The following MARK1 variants were observed in gnomAD, a reference collection of about 807,000 sequenced individuals.
The protein encoded by MARK1 is serine/threonine-protein kinase MARK1.
Under a neutral mutation model 96.3 loss-of-function variants are expected in MARK1, and 40 were observed. The observed-to-expected ratio is 0.42, with a 90% CI of 0.32 to 0.54. The LOEUF is 0.54. Ranked by LOEUF, MARK1 falls within the 20% of genes least tolerant of loss-of-function variation. The pLI is 0.16. For synonymous variants in MARK1, 317 were observed against 341.2 expected, an observed-to-expected ratio of 0.93 and a Z score of 0.78; for missense variants, 719 against 984.6, an observed-to-expected ratio of 0.73 and a Z score of 3.61.
intron 9 of MARK1, among the ~76,000 whole-genome samples, chr1:220,628,916 TAAA>T (rs202116431): frequency 7.1e-6 from 1 of 139,968 alleles, no homozygotes. Flanking sequence ...ACCCTGTCTT[TAAA>T]AAAAAAAAAA....
At chr1:220,545,439 G>GTTTTTT (rs35422682) in intron 1 of MARK1, among the ~76,000 whole-genome samples, 20 of 87,250 alleles carry the variant, frequency 2.3e-4, no homozygotes, top group African/African-American at 4.0e-4. Context: ...CTTTCTCATG[G>GTTTTTT]TTTTTTTTTT....
intron 6 of MARK1, among the ~76,000 whole-genome samples, chr1:220,606,340 T>C (rs1483562745): frequency 4.1e-5 from 6 of 146,668 alleles, no homozygotes; most frequent in Non-Finnish European, 9.0e-5. Context: ...AAGTGTCTGT[T>C]CATATCCTTT....
rs1346347772 is a variant in MARK1, at chr1:220,652,056, C to T, written c.1642C>T (p.Arg548Ter). 1.2e-6 allele frequency: 2 copies of T among 1,613,704 alleles called. No homozygotes were observed. Among genetic ancestry groups the T allele is most frequent in the South Asian group, 1.1e-5 (1 of 91,046 alleles). The part of the protein sequence containing the change: ...SSVASAVPSA[R>*]PRHQKSMSTS... ...TGTGGCCTCTGCTGTCCCCTCAGCA[C>T]GACCCCGCCACCAGAAGTCCATGTC... The change falls in exon 15 of 18, where the codon CGA becomes TGA. Residue 548 changes from arginine to a stop codon, truncating the protein, a stop_gained. Transcript: ENST00000366917. LOFTEE classifies it high-confidence loss of function.
At chr1:220,594,678 A>G (rs1236695105) in intron 3 of MARK1, among the ~76,000 whole-genome samples, 1 of 152,208 alleles carries the variant, frequency 6.6e-6, no homozygotes, top group South Asian at 2.1e-4. Flanking sequence ...AGACAGCAGA[A>G]TATAATTTAG....
At chr1:220,546,247 A>C (rs762312656) in intron 1 of MARK1, among the ~76,000 whole-genome samples, 1 of 152,204 alleles carries the variant, frequency 6.6e-6, no homozygotes, top group Non-Finnish European at 1.5e-5. Flanking sequence ...AGTTTTAACA[A>C]ACATCAGAAT....
At chr1:220,659,251 C>G (rs1197152935) in intron 17 of MARK1, among the ~76,000 whole-genome samples, 2 of 151,912 alleles carry the variant, frequency 1.3e-5, no homozygotes, top group Admixed American at 1.3e-4. Flanking sequence ...ATTTAATTTT[C>G]ACAACAACTA....
At chr1:220,539,044 A>G (rs1270016005) in intron 1 of MARK1, among the ~76,000 whole-genome samples, 1 of 152,102 alleles carries the variant, frequency 6.6e-6, no homozygotes, top group Non-Finnish European at 1.5e-5. Flanking sequence ...TCTTTTCCTA[A>G]TTGAATACCC....
At position 220,599,808 on chromosome 1, in the gene MARK1, T is replaced by C. The variant is rs1665617944; in HGVS notation, c.369T>C (p.Phe123=). 2 of 1,600,526 alleles carry C rather than the reference T, an allele frequency of 1.2e-6. No homozygotes were observed. Among genetic ancestry groups the C allele is most frequent in the Admixed American group, 3.4e-5 (2 of 59,522 alleles). The change falls in exon 5 of 18, where the codon TTT becomes TTC. Residue 123 remains phenylalanine (F), a synonymous_variant. Transcript: ENST00000366917. The part of the protein sequence containing the change: ...ILNHPNIVKL[F]EVIETEKTLY... ...CTAATTTTTTTTCAGTAAAATTGTT[T>C]GAAGTTATTGAAACAGAGAAGACTC...
intron 9 of MARK1, among the ~76,000 whole-genome samples, chr1:220,628,908 C>A (rs12126252): frequency 0.6 from 87,223 of 146,056 alleles, 26,564 homozygotes; most frequent in Non-Finnish European, 0.68. Flanking sequence ...ATAGTGAGAC[C>A]CTGTCTTTAA....
chr1:220,631,240 T>C, intron 10 of MARK1, 106 bp downstream of exon 10: 1 of 586,072 alleles, frequency 1.7e-6, no homozygotes. Flanking sequence ...CAATTTTTAT[T>C]TGAAAAATAC....
chr1:220,547,848 G>A (rs982360929), intron 1 of MARK1, among the ~76,000 whole-genome samples: 3 of 152,308 alleles, frequency 2.0e-5, no homozygotes, highest in African/African-American at 2.4e-5. Context: ...TTACAGGCGC[G>A]AGCCACCGCG....
chr1:220,569,343 G>A (rs1236425398), intron 1 of MARK1, among the ~76,000 whole-genome samples: 1 of 151,938 alleles, frequency 6.6e-6, no homozygotes, highest in African/African-American at 2.4e-5. Flanking sequence ...TATAAGGAGA[G>A]TTTTTTAAAA....
At chr1:220,619,551 A>G (rs1666943612) in intron 9 of MARK1, among the ~76,000 whole-genome samples, 1 of 152,198 alleles carries the variant, frequency 6.6e-6, no homozygotes, top group Non-Finnish European at 1.5e-5. Flanking sequence ...TTTAAGTACA[A>G]CATACTGGAA....
At chr1:220,598,634 A>G (rs576740765) in intron 4 of MARK1, among the ~76,000 whole-genome samples, 52 of 151,926 alleles carry the variant, frequency 3.4e-4, no homozygotes, top group African/African-American at 1.2e-3. Flanking sequence ...AATAATTGAT[A>G]TCATTCAGAA....
At position 220,654,277 on chromosome 1, in the gene MARK1, G is replaced by C. The variant is rs1447474816; in HGVS notation, c.1988+925G>C. Among the ~76,000 whole-genome samples, 1 of 152,186 alleles carries C rather than the reference G, an allele frequency of 6.6e-6. No individual in the cohort carries two copies. Among genetic ancestry groups the C allele is most frequent in the African/African-American group, 2.4e-5 (1 of 41,440 alleles). On this transcript the variant is annotated intron_variant, in intron 16 of 17. Coordinates refer to ENST00000366917, the MANE Select transcript of MARK1 (RefSeq NM_018650.5). The surrounding 1 kb of genome is among the most constrained non-coding windows in gnomAD (Gnocchi z 4.0). ...TAATCATTTCAGCTGAGCCTTCAAT[G>C]ATGGGTAAGAAATAATTATACTTGC...
intron 13 of MARK1, among the ~76,000 whole-genome samples, chr1:220,638,117 A>ATT (rs35224257): frequency 0.074 from 10,381 of 140,586 alleles, 1,148 homozygotes; most frequent in African/African-American, 0.25. Context: ...TGGGGCTTAA[A>ATT]TTTTTTTTTT....
chr1:220,550,792 C>T (rs1270566017), intron 1 of MARK1, among the ~76,000 whole-genome samples: 1 of 152,174 alleles, frequency 6.6e-6, no homozygotes, highest in East Asian at 1.9e-4. Context: ...GAAATACAAT[C>T]TCATGTTCAA....
chr1:220,626,055 T>C (rs1057253625), intron 9 of MARK1: 6 of 576,252 alleles, frequency 1.0e-5, no homozygotes, highest in Non-Finnish European at 2.0e-5. Flanking sequence ...ATGGCCTGTT[T>C]GAATTCTTAC....
chr1:220,563,262 T>C (rs556922605), intron 1 of MARK1, among the ~76,000 whole-genome samples: 1 of 152,238 alleles, frequency 6.6e-6, no homozygotes, highest in East Asian at 1.9e-4. Flanking sequence ...ATGAGGAAAT[T>C]TATAAATAAT....
Sources: gnomAD v4.1 joint callset for allele counts (sites outside exome capture counted in the v4.1 genomes callset) on GRCh38, gnomAD v4.1.1 for gene constraint, Gnocchi (gnomAD v3.1) non-coding constraint, MANE v1.5 for transcripts, NCBI Gene and HGNC (gene_info 2026-07-23, HGNC 2026-07-21) for gene names.